The following FARP1 variants were observed in gnomAD, a reference collection of about 807,000 sequenced individuals.
FARP1 encodes the protein FERM, ARHGEF and pleckstrin domain-containing protein 1.
A neutral mutation model predicts 128.8 loss-of-function variants in FARP1; 52 were observed. The ratio of observed to expected loss-of-function variants is 0.40; its 90% CI spans 0.32 to 0.51. The LOEUF is 0.51. Among genes scored for constraint, FARP1 ranks in the 20% least tolerant of loss-of-function variants. FARP1 has a pLI of 0.45. For missense variants in FARP1, 1,333 were observed against 1,367.9 expected (o/e 0.97, Z 0.40); for synonymous variants, 580 against 551.8 (o/e 1.05, Z -0.72).
intron 2 of FARP1, among the ~76,000 whole-genome samples, chr13:98,341,707 C>G (rs1365162055): frequency 6.6e-6 from 1 of 152,196 alleles, no homozygotes; most frequent in Non-Finnish European, 1.5e-5. Context: ...GCATTTGTCT[C>G]CCAAGATTTG....
intron 2 of FARP1, chr13:98,329,158 A>G (rs1447609351): frequency 6.6e-6 from 1 of 152,226 alleles, no homozygotes; most frequent in East Asian, 1.9e-4. Context: ...AACTTCGCCT[A>G]GGTATTTCTT....
intron 1 of FARP1, among the ~76,000 whole-genome samples, chr13:98,191,125 C>G (rs1407508627): frequency 6.6e-6 from 1 of 152,152 alleles, no homozygotes; most frequent in African/African-American, 2.4e-5. Context: ...CCGGGCCTAC[C>G]CCAGCTGTCG....
At chr13:98,244,632 T>C in intron 2 of FARP1, 2 of 1,614,222 alleles carry the variant, frequency 1.2e-6, no homozygotes, top group Non-Finnish European at 1.7e-6. Context: ...TCTTACAGGC[T>C]CTATTTCTTA....
chr13:98,397,979 C>A (rs2140081657), intron 13 of FARP1: 1 of 146,034 alleles, frequency 6.8e-6, no homozygotes, highest in Middle Eastern at 3.9e-3. Flanking sequence ...TGAAAAGAGT[C>A]CTAACAAGGA....
intron 1 of FARP1, chr13:98,203,813 A>G (rs892341537): frequency 6.6e-6 from 1 of 152,198 alleles, no homozygotes; most frequent in African/African-American, 2.4e-5. Flanking sequence ...TTTCATGCCA[A>G]ACTTATGATT....
chr13:98,443,473 T>G (rs1950390840), intron 24 of FARP1, among the ~76,000 whole-genome samples: 1 of 152,136 alleles, frequency 6.6e-6, no homozygotes, highest in Non-Finnish European at 1.5e-5. Context: ...CCCCAGGGCC[T>G]CCTCCCTGCA....
intron 16 of FARP1, among the ~76,000 whole-genome samples, chr13:98,424,156 C>T (rs780652009): frequency 3.9e-5 from 6 of 152,198 alleles, no homozygotes; most frequent in Non-Finnish European, 8.8e-5. Context: ...TTGCTTCCTG[C>T]AGGTGTCTAG....
chr13:98,167,073 G>T (rs1877317967), intron 1 of FARP1, among the ~76,000 whole-genome samples: 1 of 151,996 alleles, frequency 6.6e-6, no homozygotes, highest in Non-Finnish European at 1.5e-5. Flanking sequence ...TACTCGTTGT[G>T]GTTGAATACA....
rs764055343 is a variant in FARP1 at position 98,385,793 on chromosome 13, C to T, written c.738C>T (p.Asn246=). ...CGAAGATCAATCTGGCCGTTGCCAA[C>T]ACGGGAATTCTAGTGTTTCAGGTGA... ...EGTKINLAVA[N]TGILVFQGFT... The change falls in exon 8 of 27, where the codon AAC becomes AAT. Residue 246 remains asparagine (N), a synonymous_variant. Transcript: ENST00000319562. 1 of 1,614,168 alleles carries T rather than the reference C, an allele frequency of 6.2e-7. No individual in the cohort carries two copies. Among genetic ancestry groups the T allele is most frequent in the Non-Finnish European group, 8.5e-7 (1 of 1,180,030 alleles).
rs151074430 is a variant in FARP1 at position 98,446,130 on chromosome 13, C to T, written c.2829C>T (p.Phe943=). ...TGTCTGGAAACCTGCTGAGGAAATT[C>T]AAAAACAGCAACGGGTGGCAGAAGC... ...NQLSGNLLRK[F]KNSNGWQKLW... Residue 943 remains phenylalanine, a synonymous_variant, in exon 25 of 27, where the codon TTC becomes TTT. Coordinates refer to ENST00000319562, the MANE Select transcript of FARP1 (RefSeq NM_005766.4). The T allele has an allele frequency of 9.2e-5, 149 of 1,614,008 alleles. No individual in the cohort carries two copies. In the African/African-American group the frequency reaches 1.9e-3, roughly 21 times the overall value.
chr13:98,146,800 G>A (rs1404714553), intron 1 of FARP1, among the ~76,000 whole-genome samples: 1 of 152,146 alleles, frequency 6.6e-6, no homozygotes. Flanking sequence ...TCTCTCTCCT[G>A]TTGTTTGGTG....
Position 98,393,700 on chromosome 13 carries a change from T to A in FARP1, c.1146T>A (p.Asn382Lys). The change falls in exon 12 of 27, where the codon AAT becomes AAA. Residue 382 changes from asparagine to lysine, a missense_variant. Physicochemically the swap from Asn to Lys is moderately conservative, Grantham distance 94 (BLOSUM62 0). Coordinates refer to ENST00000319562, the MANE Select transcript of FARP1 (RefSeq NM_005766.4). ...TTGCTTCACAGCCTACAGAACTGAATTCGGAAGTGCTGGAGCAGGTCAGTG... is the reference window on the plus strand; with the variant it reads ...TTGCTTCACAGCCTACAGAACTGAAATCGGAAGTGCTGGAGCAGGTCAGTG... ...RSLASQPTEL[N>K]SEVLEQSQQS... 6.2e-7 allele frequency: 1 copy of A among 1,613,890 alleles called. No homozygotes were observed. The highest frequency in any genetic ancestry group is 8.5e-7 in the Non-Finnish European group (1 of 1,179,790).
Position 98,218,726 on chromosome 13 carries a change from G to A in FARP1, c.171+5313G>A, listed in dbSNP as rs184942782. Among the ~76,000 whole-genome samples the A allele has an allele frequency of 3.5e-3, 535 of 152,262 alleles. 3 individuals carry two copies. The highest frequency in any genetic ancestry group is 0.01 in the Middle Eastern group (3 of 294). On this transcript the variant is annotated intron_variant, in intron 2 of 26. Transcript: ENST00000319562. The stretch of plus-strand genomic sequence containing the variant: ...GTGATTGGCCTTATGTGCGTGTGGG[G>A]TGGCTGTTTTCATAAAACTCACTGC...
intron 1 of FARP1, among the ~76,000 whole-genome samples, chr13:98,155,219 G>A (rs1306822428): frequency 6.6e-6 from 1 of 152,028 alleles, no homozygotes; most frequent in Non-Finnish European, 1.5e-5. Context: ...GCTGGCACAT[G>A]CCTGTAATCC....
At chr13:98,151,668 T>TTTTTTTTTTTTTTTTC in intron 1 of FARP1, among the ~76,000 whole-genome samples, 1 of 117,396 alleles carries the variant, frequency 8.5e-6, no homozygotes, top group Non-Finnish European at 1.9e-5. Flanking sequence ...ATCTTTTTTT[T>TTTTTTTTTTTTTTTTC]TTTTTTTTTT....
intron 5 of FARP1, among the ~76,000 whole-genome samples, chr13:98,370,041 T>A (rs1250001459): frequency 6.6e-6 from 1 of 152,210 alleles, no homozygotes; most frequent in Non-Finnish European, 1.5e-5. Flanking sequence ...ACAAAGCGAT[T>A]AAATAAACAA....
intron 2 of FARP1, among the ~76,000 whole-genome samples, chr13:98,232,736 C>T (rs1203182152): frequency 2.6e-5 from 4 of 152,114 alleles, no homozygotes; most frequent in South Asian, 2.1e-4. Flanking sequence ...TGCTTTATTG[C>T]GGTGGTCTGG....
chr13:98,389,766 A>G, intron 9 of FARP1, 191 bp from the exon 10 acceptor site: 1 of 515,746 alleles, frequency 1.9e-6, no homozygotes, highest in Non-Finnish European at 3.3e-6. Context: ...GAAGAAAATG[A>G]TGGACTAGGG....
chr13:98,353,209 C>T (rs1206873530), intron 3 of FARP1, among the ~76,000 whole-genome samples: 1 of 151,940 alleles, frequency 6.6e-6, no homozygotes, highest in Non-Finnish European at 1.5e-5. Context: ...TAACACATTA[C>T]AGACTTATGC....
Sources: gnomAD v4.1 joint callset for allele counts (sites outside exome capture counted in the v4.1 genomes callset) on GRCh38, gnomAD v4.1.1 for gene constraint, MANE v1.5 for transcripts, NCBI Gene and HGNC (gene_info 2026-07-23, HGNC 2026-07-21) for gene names.